Variants in KIAA1671 observed in about 807,000 individuals in gnomAD.
KIAA1671 encodes the protein KIAA1671, also known as uncharacterized protein KIAA1671.
Under a neutral mutation model 131.2 loss-of-function variants are expected in KIAA1671, and 52 were observed. The observed-to-expected ratio is 0.40, with a 90% CI of 0.32 to 0.50. The LOEUF (loss-of-function observed/expected upper bound fraction) is 0.50. Among genes scored for constraint, KIAA1671 ranks in the 20% least tolerant of loss-of-function variants. KIAA1671 has a pLI of 0.73. For missense variants in KIAA1671, 2,360 were observed against 2,364.2 expected, an observed-to-expected ratio of 1.00 and a Z score of 0.04; for synonymous variants, 1,003 against 961.6, an observed-to-expected ratio of 1.04 and a Z score of -0.80.
Position 25,028,077 on chromosome 22 carries a change from G to C in KIAA1671, c.78G>C (p.Glu26Asp), listed in dbSNP as rs1897515724. Residue 26 changes from glutamate to aspartate, a missense_variant, in exon 3 of 13, where the codon GAG (glutamate) becomes GAC (aspartate). By Grantham distance (45) the Glu-to-Asp change is conservative. This residue lies in a region of KIAA1671 where 1,185 missense variants were observed against 1,126.2 expected (regional missense o/e 1.05). Transcript: ENST00000358431. Reference sequence around the variant, plus strand: ...GCCTGGGTGAGATGGGCAAGGAGGAGACCCTGACGAGGACCTACTTCCTCC... The same window carrying C: ...GCCTGGGTGAGATGGGCAAGGAGGACACCCTGACGAGGACCTACTTCCTCC... ...VPGLGEMGKEETLTRTYFLQA... is the reference protein window; with the variant it reads ...VPGLGEMGKEDTLTRTYFLQA... 6.4e-7 allele frequency: 1 copy of C among 1,550,812 alleles called. No individual in the cohort carries two copies. Among genetic ancestry groups the C allele is most frequent in the African/African-American group, 1.4e-5 (1 of 73,170 alleles).
In KIAA1671 at chr22:25,078,372, T is replaced by A. The variant is rs190007081; in HGVS notation, c.4530+29008T>A. On this transcript the variant is annotated intron_variant, in intron 6 of 12. Coordinates refer to ENST00000358431, the MANE Select transcript of KIAA1671 (RefSeq NM_001145206.2). ...ATACTCAGTCTCTACAAAAGAATTT[T>A]TTTTTGAATAGCCAAGTATAATGGT... 2.2e-4 allele frequency among the ~76,000 whole-genome samples: 33 copies of A among 152,282 alleles called. No individual in the cohort carries two copies. In the East Asian group the frequency reaches 6.2e-3, roughly 28 times the overall value.
chr22:25,110,521 AT>A (rs752514677), intron 6 of KIAA1671, among the ~76,000 whole-genome samples: 18 of 152,142 alleles, frequency 1.2e-4, no homozygotes, highest in Non-Finnish European at 2.6e-4. Flanking sequence ...CTGAATCTGC[AT>A]TTCCTTGTCT....
Position 25,111,907 on chromosome 22 carries a change from A to G in KIAA1671, c.4531-58913A>G, listed in dbSNP as rs189205457. The G allele has an allele frequency of 1.8e-3, 448 of 251,028 alleles. 1 individual carries two copies. The highest frequency in any genetic ancestry group is 8.9e-3 in the African/African-American group (404 of 45,196). The allele number at this position is 251,028 out of a possible 1,614,324, so 15.6% of individuals were successfully genotyped here. On this transcript the variant is annotated intron_variant, in intron 6 of 12. Transcript: ENST00000358431. Reference sequence around the variant, plus strand: ...GGAACCTGGACTGCCCAGTGTGTTGACTTTATAACTCCGCTGGGGTGGACT... The same window carrying G: ...GGAACCTGGACTGCCCAGTGTGTTGGCTTTATAACTCCGCTGGGGTGGACT...
At chr22:25,072,116 G>A (rs983464496) in intron 6 of KIAA1671, among the ~76,000 whole-genome samples, 1 of 152,170 alleles carries the variant, frequency 6.6e-6, no homozygotes, top group Admixed American at 6.5e-5. Flanking sequence ...TGTGCAAAGG[G>A]CTGGGGTGGA....
At chr22:25,179,443 C>T (rs973001129) in intron 9 of KIAA1671, 1 of 1,613,404 alleles carries the variant, frequency 6.2e-7, no homozygotes, top group Non-Finnish European at 8.5e-7. Flanking sequence ...TGTAGTTGAG[C>T]TTCTCCTCCG....
intron 1 of KIAA1671, among the ~76,000 whole-genome samples, chr22:24,972,468 G>GCATC (rs766886651): frequency 3.3e-5 from 5 of 151,962 alleles, no homozygotes; most frequent in African/African-American, 4.8e-5. Context: ...ACGCATGCAT[G>GCATC]CATCCATCCA....
chr22:24,984,912 C>CAAAAAA (rs60969204), intron 1 of KIAA1671, among the ~76,000 whole-genome samples: 11 of 54,458 alleles, frequency 2.0e-4, no homozygotes, highest in African/African-American at 6.2e-4. Context: ...GACTACGTCT[C>CAAAAAA]AAAAAAAAAA....
At chr22:25,126,147 C>T (rs975558780) in intron 6 of KIAA1671, among the ~76,000 whole-genome samples, 5 of 152,144 alleles carry the variant, frequency 3.3e-5, no homozygotes, top group Admixed American at 6.5e-5. Context: ...GTACTCTTCA[C>T]GGTCTATTAA....
At chr22:24,963,326 T>A (rs910247359) in intron 1 of KIAA1671, among the ~76,000 whole-genome samples, 1 of 133,596 alleles carries the variant, frequency 7.5e-6, no homozygotes, top group Non-Finnish European at 1.5e-5. Context: ...ATCACGCCAC[T>A]GCACTCCAGC....
chr22:25,088,850 G>A (rs543800696), intron 6 of KIAA1671, among the ~76,000 whole-genome samples: 5 of 150,812 alleles, frequency 3.3e-5, no homozygotes, highest in South Asian at 4.2e-4. Context: ...CTATATCTGC[G>A]TCTGTACCCT....
At chr22:25,129,865 T>C (rs1932354422) in intron 6 of KIAA1671, among the ~76,000 whole-genome samples, 1 of 152,206 alleles carries the variant, frequency 6.6e-6, no homozygotes, top group South Asian at 2.1e-4. Flanking sequence ...AACAATATGT[T>C]ATGGACATGT....
At chr22:25,179,217 G>A in intron 9 of KIAA1671, 3 of 1,306,488 alleles carry the variant, frequency 2.3e-6, no homozygotes, top group Non-Finnish European at 3.2e-6. Context: ...GGGGGAGGAG[G>A]AACAAAAGTT....
intron 6 of KIAA1671, among the ~76,000 whole-genome samples, chr22:25,095,893 T>A (rs746236890): frequency 6.6e-6 from 1 of 152,316 alleles, no homozygotes; most frequent in African/African-American, 2.4e-5. Context: ...GTAGCCAAGA[T>A]AAAAAATTTC....
At chr22:24,973,125 G>A (rs1336052272) in intron 1 of KIAA1671, among the ~76,000 whole-genome samples, 1 of 152,200 alleles carries the variant, frequency 6.6e-6, no homozygotes, top group East Asian at 1.9e-4. Context: ...AGGGGGCCAG[G>A]CTAGTGCAGG....
intron 6 of KIAA1671, among the ~76,000 whole-genome samples, chr22:25,133,350 A>T (rs1440440917): frequency 1.3e-5 from 2 of 151,144 alleles, no homozygotes; most frequent in East Asian, 1.9e-4. Flanking sequence ...CTCTAACTGG[A>T]AGGTTTCAGT....
intron 1 of KIAA1671, among the ~76,000 whole-genome samples, chr22:24,994,947 TTCC>T (rs1924032484): frequency 1.3e-5 from 2 of 151,884 alleles, no homozygotes; most frequent in African/African-American, 4.8e-5. Flanking sequence ...ACAAGGCCTG[TTCC>T]TCCTCCTGCT....
intron 6 of KIAA1671, among the ~76,000 whole-genome samples, chr22:25,124,305 C>T (rs1050128598): frequency 1.3e-5 from 2 of 152,204 alleles, no homozygotes; most frequent in African/African-American, 4.8e-5. Context: ...AGTTTCTAGT[C>T]CAGAGAAGTT....
At chr22:25,105,259 G>A (rs1481177960) in intron 6 of KIAA1671, among the ~76,000 whole-genome samples, 1 of 152,014 alleles carries the variant, frequency 6.6e-6, no homozygotes, top group Non-Finnish European at 1.5e-5. Context: ...TGACCTCAGA[G>A]AATCTACCCA....
intron 10 of KIAA1671, 73 bp downstream of exon 10, chr22:25,181,896 G>A (rs986842940): frequency 8.0e-6 from 12 of 1,500,854 alleles, no homozygotes; most frequent in Admixed American, 6.2e-5. Flanking sequence ...AATAGATTCC[G>A]GCTGGGTGCA....
Sources: allele counts gnomAD v4.1 joint callset (sites outside exome capture counted in the v4.1 genomes callset), GRCh38; gene constraint gnomAD v4.1.1; regional missense constraint gnomAD v4.1.1; transcripts MANE v1.5; gene names NCBI Gene and HGNC (gene_info 2026-07-23, HGNC 2026-07-21).